The following GYPC variants were observed in gnomAD, a reference collection of about 807,000 sequenced individuals.
GYPC encodes glycophorin C (Gerbich blood group).
A neutral mutation model predicts 12.6 loss-of-function variants in GYPC; 14 were observed. That is an observed-to-expected ratio of 1.11 (90% confidence interval 0.74 to 1.74). The LOEUF (loss-of-function observed/expected upper bound fraction) is 1.74. GYPC is among the 40% of genes most tolerant of loss of function. The probability of loss-of-function intolerance (pLI) is 0.00; values close to 1 mark genes in which losing one functional copy is unlikely to be tolerated. For missense variants in GYPC, 225 were observed against 172.1 expected (o/e 1.31, Z -1.72); for synonymous variants, 78 against 62.1 (o/e 1.26, Z -1.20).
At chr2:126,656,573 G>A (rs1260654723) in intron 1 of GYPC, among the ~76,000 whole-genome samples, 2 of 152,256 alleles carry the variant, frequency 1.3e-5, no homozygotes, top group African/African-American at 4.8e-5. Flanking sequence ...CCGCCAGCCC[G>A]CCCTCCCAGG....
rs1558894119 is a variant in GYPC at position 126,693,903 on chromosome 2, T to G, written c.146T>G (p.Met49Arg). 6.2e-7 allele frequency: 1 copy of G among 1,612,956 alleles called. No individual in the cohort carries two copies. The part of the protein sequence containing the change: ...PGMSGWPDGR[M>R]ETSTPTIMDI... ...ATGTCTGGATGGCCGGATGGCAGAATGGAGACCTCCACCCCCACCATAATG... is the reference window on the plus strand; with the variant it reads ...ATGTCTGGATGGCCGGATGGCAGAAGGGAGACCTCCACCCCCACCATAATG... The change falls in exon 3 of 4, where the codon ATG becomes AGG. Residue 49 changes from methionine to arginine, a missense_variant. Transcript: ENST00000259254.
Position 126,656,275 on chromosome 2 carries a change from G to A in GYPC, c.12G>A (p.Thr4=). 1 of 1,603,732 alleles carries A rather than the reference G, an allele frequency of 6.2e-7. No homozygotes were observed. Among genetic ancestry groups the A allele is most frequent in the Non-Finnish European group, 8.5e-7 (1 of 1,176,748 alleles). ...GCTGACGCCCAGGAATGTGGTCGAC[G>A]AGAAGCCCCAACAGCACGGCGTGGC... The part of the protein sequence containing the change: MWS[T]RSPNSTAWPL... The change falls in exon 1 of 4, where the codon ACG becomes ACA. Residue 4 remains threonine (T), a synonymous_variant. Coordinates refer to ENST00000259254, the MANE Select transcript of GYPC (RefSeq NM_002101.5).
At chr2:126,676,464 T>C (rs1682996746) in intron 1 of GYPC, among the ~76,000 whole-genome samples, 1 of 152,248 alleles carries the variant, frequency 6.6e-6, no homozygotes, top group African/African-American at 2.4e-5. Context: ...AAACAAAGTC[T>C]AAGTTAGTTG....
chr2:126,663,400 C>T (rs1682593786), intron 1 of GYPC, among the ~76,000 whole-genome samples: 1 of 152,174 alleles, frequency 6.6e-6, no homozygotes, highest in African/African-American at 2.4e-5. Flanking sequence ...ACACGCAGGC[C>T]CTGCTCTTGG....
intron 1 of GYPC, among the ~76,000 whole-genome samples, chr2:126,688,081 T>A (rs1015408368): frequency 1.3e-5 from 2 of 152,166 alleles, no homozygotes; most frequent in African/African-American, 4.8e-5. Context: ...ATAACTCCTA[T>A]CGAATGGAAA....
intron 1 of GYPC, among the ~76,000 whole-genome samples, chr2:126,675,160 G>A (rs1484154353): frequency 1.3e-5 from 2 of 152,106 alleles, no homozygotes; most frequent in African/African-American, 2.4e-5. Flanking sequence ...CAGGGTGGAC[G>A]GACCCTTCGT....
intron 1 of GYPC, among the ~76,000 whole-genome samples, chr2:126,672,014 G>C (rs1450989347): frequency 1.3e-5 from 2 of 152,180 alleles, no homozygotes; most frequent in African/African-American, 4.8e-5. Flanking sequence ...CAAGTGCAAG[G>C]GTCCTGAGGC....
At chr2:126,678,947 C>T (rs1205643613) in intron 1 of GYPC, 1 of 152,234 alleles carries the variant, frequency 6.6e-6, no homozygotes, top group Non-Finnish European at 1.5e-5. Flanking sequence ...AAAACACTTT[C>T]CACATCCTGT....
chr2:126,695,926 G>A lies in GYPC; in HGVS notation c.191-20G>A, dbSNP rs772468419. On this transcript the variant is annotated intron_variant, in intron 3 of 3. Coordinates refer to ENST00000259254, the MANE Select transcript of GYPC (RefSeq NM_002101.5). ...GAGCCCCTGCCTCAGACTGACCCTT[G>A]CACCTCTTCCCACCTGCAGGTGTGA... The A allele has an allele frequency of 6.2e-7, 1 of 1,610,208 alleles. No homozygotes were observed.
rs143811361 is a variant in GYPC at position 126,664,951 on chromosome 2, TTCTCTCTCTC to T, written c.49+8657_49+8666del. 4.0e-5 allele frequency among the ~76,000 whole-genome samples: 6 copies of T among 148,760 alleles called. 1 individual carries two copies. In the South Asian group the frequency reaches 1.1e-3, roughly 27 times the overall value. ...TCAGGTCATGCACTACTTGCTGTCT[TTCTCTCTCTC>T]TCTCTCTCTCTCTCTCTGTGTCTCT... On this transcript the variant is annotated intron_variant, in intron 1 of 3. Coordinates refer to ENST00000259254, the MANE Select transcript of GYPC (RefSeq NM_002101.5).
intron 1 of GYPC, among the ~76,000 whole-genome samples, chr2:126,685,263 A>G (rs1683253249): frequency 6.6e-6 from 1 of 152,234 alleles, no homozygotes; most frequent in African/African-American, 2.4e-5. Flanking sequence ...CTAGCTGAGA[A>G]GCACTTACCA....
intron 1 of GYPC, among the ~76,000 whole-genome samples, chr2:126,663,832 C>T (rs563308847): frequency 2.3e-4 from 35 of 152,330 alleles, no homozygotes; most frequent in African/African-American, 8.2e-4. Flanking sequence ...CTCCTTCCCT[C>T]GGCTCACCTG....
intron 2 of GYPC, among the ~76,000 whole-genome samples, chr2:126,692,781 G>A (rs1248224176): frequency 6.6e-6 from 1 of 152,116 alleles, no homozygotes; most frequent in African/African-American, 2.4e-5. Context: ...AAAGACCTAT[G>A]GGAGGGCTTC....
chr2:126,671,073 A>T (rs1311691237), intron 1 of GYPC, among the ~76,000 whole-genome samples: 1 of 152,162 alleles, frequency 6.6e-6, no homozygotes, highest in African/African-American at 2.4e-5. Flanking sequence ...AAGCCATGGA[A>T]GAAAAATCCA....
chr2:126,657,215 T>C (rs1256372047), intron 1 of GYPC, among the ~76,000 whole-genome samples: 1 of 152,194 alleles, frequency 6.6e-6, no homozygotes, highest in African/African-American at 2.4e-5. Flanking sequence ...CCGCCTGAGC[T>C]TGGAGCTTGG....
chr2:126,679,185 A>C (rs1245573039), intron 1 of GYPC, among the ~76,000 whole-genome samples: 2 of 152,194 alleles, frequency 1.3e-5, no homozygotes, highest in African/African-American at 4.8e-5. Flanking sequence ...AGGGCACCCA[A>C]ATGTGACACC....
chr2:126,661,923 G>C (rs1463308282), intron 1 of GYPC, among the ~76,000 whole-genome samples: 2 of 152,202 alleles, frequency 1.3e-5, no homozygotes, highest in East Asian at 3.9e-4. Flanking sequence ...CTGCACCCCT[G>C]GCACACCCTG....
chr2:126,680,667 C>T (rs28369989), intron 1 of GYPC, among the ~76,000 whole-genome samples: 10 of 152,304 alleles, frequency 6.6e-5, no homozygotes, highest in African/African-American at 1.4e-4. Context: ...GAAGCCACAG[C>T]GCACATTTCT....
chr2:126,690,381 G>T, intron 2 of GYPC, 70 bp downstream of exon 2: 2 of 1,146,278 alleles, frequency 1.7e-6, no homozygotes, highest in Non-Finnish European at 2.7e-6. Context: ...TCATCACAGA[G>T]CCCTTTAAGC....
Sources: allele counts gnomAD v4.1 joint callset (sites outside exome capture counted in the v4.1 genomes callset), GRCh38; gene constraint gnomAD v4.1.1; transcripts MANE v1.5; gene names NCBI Gene and HGNC (gene_info 2026-07-23, HGNC 2026-07-21).